Variants in SYT5 observed in about 807,000 individuals in gnomAD.
SYT5 encodes the protein synaptotagmin 5.
In SYT5, 29 loss-of-function variants were observed where a neutral mutation model predicts 36.0. The ratio of observed to expected loss-of-function variants is 0.81; its 90% CI spans 0.60 to 1.10. The LOEUF (loss-of-function observed/expected upper bound fraction) is 1.10. SYT5 is among the 50% of genes least tolerant of loss of function. The probability of loss-of-function intolerance (pLI) is 0.00; values close to 1 mark genes in which losing one functional copy is unlikely to be tolerated. For missense variants in SYT5, 512 were observed against 516.0 expected (o/e 0.99, Z 0.08); for synonymous variants, 231 against 227.6 (o/e 1.02, Z -0.14).
chr19:55,175,129 T>G lies in SYT5; in HGVS notation c.708+43A>C, dbSNP rs770863322. On this transcript the variant is annotated intron_variant, in intron 6 of 8. Coordinates refer to ENST00000354308, the MANE Select transcript of SYT5 (RefSeq NM_003180.3). This position sits in a 1 kb window ranked among gnomAD's most constrained non-coding sequence, Gnocchi z 4.5. ...TGGCTCAGGATGTTGTGGGCGGGACTGGGCCTGGGGGCGTGGCTCGGGGCG... is the reference window on the plus strand; with the variant it reads ...TGGCTCAGGATGTTGTGGGCGGGACGGGGCCTGGGGGCGTGGCTCGGGGCG... 3 of 1,578,214 alleles carry G rather than the reference T, an allele frequency of 1.9e-6. No individual in the cohort carries two copies. The highest frequency in any genetic ancestry group is 2.3e-5 in the East Asian group (1 of 43,612).
intron 3 of SYT5, chr19:55,177,603 CGCTCTGTCACCCAG>C (rs541970446): frequency 6.6e-6 from 1 of 152,336 alleles, no homozygotes; most frequent in African/African-American, 2.4e-5. Flanking sequence ...GACAGAGTCT[CGCTCTGTCACCCAG>C]GCTGGAGTGC....
At position 55,172,512 on chromosome 19, in the gene SYT5, G is replaced by T. The variant is rs1032502443; in HGVS notation, c.*972C>A. Reference sequence around the variant, plus strand: ...GGAAAGACAGAAAGAAAACAAAAAGGAAAAAAGAAAAGAAAAAAGAAAGAG... The same window carrying T: ...GGAAAGACAGAAAGAAAACAAAAAGTAAAAAAGAAAAGAAAAAAGAAAGAG... On this transcript the variant is annotated 3_prime_UTR_variant, in exon 9 of 9. Transcript: ENST00000354308. 1 of 151,964 alleles carries T rather than the reference G, an allele frequency of 6.6e-6. No homozygotes were observed. Among genetic ancestry groups the T allele is most frequent in the Non-Finnish European group, 1.5e-5 (1 of 67,976 alleles). 9.4% of individuals were successfully genotyped at this position (151,964 alleles called of 1,614,324 possible). A position where few individuals can be genotyped will look rare whatever the true frequency, so the allele number is the denominator to read the frequency against.
rs1381362363 is a variant in SYT5, at chr19:55,178,984, T to C, written c.58A>G (p.Ser20Gly). Reference protein sequence around the residue: ...PPSPDTPPDSSRISHGPVPPW... With the variant: ...PPSPDTPPDSGRISHGPVPPW... ...TCACCTGGGCCGTGGCTGATGCGAC[T>C]GGAGTCGGGAGGCGTGTCGGGCGAT... Residue 20 changes from serine to glycine, a missense_variant, in exon 2 of 9, where the codon AGT becomes GGT. Ser to Gly is a moderately conservative substitution (Grantham distance 56). Transcript: ENST00000354308. 1 of 1,576,878 alleles carries C rather than the reference T, an allele frequency of 6.3e-7. No homozygotes were observed.
Position 55,175,090 on chromosome 19 carries a change from G to C in SYT5, c.708+82C>G. The C allele has an allele frequency of 1.3e-6, 2 of 1,590,182 alleles. No homozygotes were observed. The highest frequency in any genetic ancestry group is 4.5e-5 in the East Asian group (2 of 44,460). On this transcript the variant is annotated intron_variant, in intron 6 of 8. Coordinates refer to ENST00000354308, the MANE Select transcript of SYT5 (RefSeq NM_003180.3). This position sits in a 1 kb window ranked among gnomAD's most constrained non-coding sequence, Gnocchi z 4.5. Reference sequence around the variant, plus strand: ...CCACGCCGCCCTGAGGGTCTGGAAAGCCTATGATCTGATTGGCTCAGGATG... The same window carrying C: ...CCACGCCGCCCTGAGGGTCTGGAAACCCTATGATCTGATTGGCTCAGGATG...
rs1399632677 is a variant in SYT5, at chr19:55,175,044, A to C, written c.709-45T>G. 2 of 1,605,886 alleles carry C rather than the reference A, an allele frequency of 1.2e-6. No homozygotes were observed. The highest frequency in any genetic ancestry group is 1.1e-5 in the South Asian group (1 of 90,986). On this transcript the variant is annotated intron_variant, in intron 6 of 8. Transcript: ENST00000354308. The surrounding 1 kb of genome is among the most constrained non-coding windows in gnomAD (Gnocchi z 4.5). ...TCACCAGAGCCCCGGCTCCACATCC[A>C]TGCCTCCTCAGGGGTACAATCCACG...
At position 55,174,528 on chromosome 19, in the gene SYT5, C is replaced by A. The variant is rs1234717430; in HGVS notation, c.949G>T (p.Asp317Tyr). ...NEAFSFEVPC[D>Y]QVQKVQVELT... ...AGGTTTGAGCTCACCTGGACTTGGT[C>A]ACAGGGCACCTCGAAGCTGAAAGCT... The change falls in exon 8 of 9, where the codon GAC (aspartate) becomes TAC (tyrosine). Residue 317 changes from aspartate to tyrosine, a missense_variant. Physicochemically the swap from Asp to Tyr is radical, Grantham distance 160. Coordinates refer to ENST00000354308, the MANE Select transcript of SYT5 (RefSeq NM_003180.3). 3 of 1,613,996 alleles carry A rather than the reference C, an allele frequency of 1.9e-6. No individual in the cohort carries two copies. The highest frequency in any genetic ancestry group is 2.2e-5 in the East Asian group (1 of 44,872).
rs2086061549 is a variant in SYT5 at position 55,175,230 on chromosome 19, A to G, written c.650T>C (p.Val217Ala). Residue 217 changes from valine (V) to alanine (A), a missense_variant, in exon 6 of 9, where the codon GTG becomes GCG. By Grantham distance (64) the Val-to-Ala change is moderately conservative. Coordinates refer to ENST00000354308, the MANE Select transcript of SYT5 (RefSeq NM_003180.3). This position sits in a 1 kb window ranked among gnomAD's most constrained non-coding sequence, Gnocchi z 4.5. The stretch of plus-strand genomic sequence containing the variant: ...GGCCTGCACTGGCCGCCCCAGGTCC[A>G]CGGAGCTCATAGGGACCCGCACCTC... ...IGEVRVPMSS[V>A]DLGRPVQAWR... 1.2e-6 allele frequency: 2 copies of G among 1,611,168 alleles called. No individual in the cohort carries two copies. Among genetic ancestry groups the G allele is most frequent in the Non-Finnish European group, 8.5e-7 (1 of 1,179,184 alleles).
chr19:55,175,388 G>A lies in SYT5; in HGVS notation c.541-49C>T. On this transcript the variant is annotated intron_variant, in intron 5 of 8. Coordinates refer to ENST00000354308, the MANE Select transcript of SYT5 (RefSeq NM_003180.3). The surrounding 1 kb of genome is among the most constrained non-coding windows in gnomAD (Gnocchi z 4.5). ...GTAGAGAGCAGGAAGTCAGAGATAG[G>A]GTGAGGCACAGCACAACCAGAAGGA... 1 of 1,488,492 alleles carries A rather than the reference G, an allele frequency of 6.7e-7. No individual in the cohort carries two copies. The highest frequency in any genetic ancestry group is 8.9e-7 in the Non-Finnish European group (1 of 1,124,256). 92.2% of individuals were successfully genotyped at this position (1,488,492 alleles called of 1,614,324 possible).
rs1202457902 is a variant in SYT5, at chr19:55,172,585, G to C, written c.*899C>G. On this transcript the variant is annotated 3_prime_UTR_variant, in exon 9 of 9. Coordinates refer to ENST00000354308, the MANE Select transcript of SYT5 (RefSeq NM_003180.3). ...TCCTTGCTGAACTCCAACCTCTCTC[G>C]CAGGCTCTGGAGATTGTATTCCCTG... 6.6e-6 allele frequency: 1 copy of C among 152,158 alleles called. No homozygotes were observed. The highest frequency in any genetic ancestry group is 1.9e-4 in the East Asian group (1 of 5,198). The allele number at this position is 152,158 out of a possible 1,614,324, so 9.4% of individuals were successfully genotyped here.
intron 2 of SYT5, 27 bp from the exon 3 acceptor site, chr19:55,178,395 T>G: frequency 6.2e-7 from 1 of 1,602,212 alleles, no homozygotes; most frequent in South Asian, 1.1e-5. Flanking sequence ...ACAACACACA[T>G]TGAGGCCTGG....
intron 8 of SYT5, chr19:55,174,113 T>TC (rs1249251538): frequency 5.0e-5 from 10 of 198,564 alleles, no homozygotes; most frequent in African/African-American, 2.1e-4. Flanking sequence ...GGGTGGGGAA[T>TC]CTGGTCCCGC....
At position 55,171,965 on chromosome 19, in the gene SYT5, G is replaced by C. The variant is rs1214227295; in HGVS notation, c.*1519C>G. 1 of 151,968 alleles carries C rather than the reference G, an allele frequency of 6.6e-6. No homozygotes were observed. The highest frequency in any genetic ancestry group is 1.5e-5 in the Non-Finnish European group (1 of 68,048). The allele number at this position is 151,968 out of a possible 1,614,324, so 9.4% of individuals were successfully genotyped here. A position where few individuals can be genotyped will look rare whatever the true frequency, so the allele number is the denominator to read the frequency against. On this transcript the variant is annotated 3_prime_UTR_variant, in exon 9 of 9. Transcript: ENST00000354308. ...ACACAGAGAAACCCTGTCAAAAAAA[G>C]AAGAAAGAAGAGGCTGAGGCAGAAG...
At position 55,173,950 on chromosome 19, in the gene SYT5, C is replaced by A. The variant is rs1248482861; in HGVS notation, c.961-266G>T. The A allele has an allele frequency of 1.5e-5, 6 of 390,000 alleles. No individual in the cohort carries two copies. The highest frequency in any genetic ancestry group is 2.3e-5 in the Non-Finnish European group (5 of 221,876). The allele number at this position is 390,000 out of a possible 1,614,324, so 24.2% of individuals were successfully genotyped here. A position where few individuals can be genotyped will look rare whatever the true frequency, so the allele number is the denominator to read the frequency against. ...GGTTGCGGAGCGGGTGTGTTCGGCG[C>A]CTCCTGGGGGAGCAGCCTCCTAAGA... On this transcript the variant is annotated intron_variant, in intron 8 of 8. Transcript: ENST00000354308. The surrounding 1 kb of genome is among the most constrained non-coding windows in gnomAD (Gnocchi z 5.4).
In SYT5 at chr19:55,178,949, C is replaced by A; in HGVS notation, c.79+14G>T. 2 of 1,496,416 alleles carry A rather than the reference C, an allele frequency of 1.3e-6. No individual in the cohort carries two copies. Among genetic ancestry groups the A allele is most frequent in the East Asian group, 2.5e-5 (1 of 40,310 alleles). 92.7% of individuals were successfully genotyped at this position (1,496,416 alleles called of 1,614,324 possible). The stretch of plus-strand genomic sequence containing the variant: ...TTCTCTCTGCTCGGCCCCCCACCCC[C>A]GGGTCTTGCTCACCTGGGCCGTGGC... On this transcript the variant is annotated intron_variant, in intron 2 of 8. Transcript: ENST00000354308.
Position 55,176,079 on chromosome 19 carries a change from C to G in SYT5, c.298G>C (p.Gly100Arg). 1 of 1,614,206 alleles carries G rather than the reference C, an allele frequency of 6.2e-7. No individual in the cohort carries two copies. Among genetic ancestry groups the G allele is most frequent in the Non-Finnish European group, 8.5e-7 (1 of 1,180,044 alleles). Residue 100 changes from glycine (G) to arginine (R), a missense_variant, in exon 4 of 9, where the codon GGG becomes CGG. Physicochemically the swap from Gly to Arg is moderately radical, Grantham distance 125. Transcript: ENST00000354308. ...EELEPAPSGP[G>R]QQVADKHELG... ...TCATGCTTGTCTGCCACCTGCTGCC[C>G]TGGCCCGGATGGTGCTGGCTCCAGC...
chr19:55,172,474 AAAAG>A lies in SYT5; in HGVS notation c.*1006_*1009del, dbSNP rs886811843. On this transcript the variant is annotated 3_prime_UTR_variant, in exon 9 of 9. Coordinates refer to ENST00000354308, the MANE Select transcript of SYT5 (RefSeq NM_003180.3). ...AAACAAACAAAAAAAAAACAAGAGAAAAAGAAAGAAAAGGAAAGACAGAAAGAAA... is the reference window on the plus strand; with the variant it reads ...AAACAAACAAAAAAAAAACAAGAGAAAAAGAAAAGGAAAGACAGAAAGAAA... 5.3e-4 allele frequency: 80 copies of A among 152,228 alleles called. No homozygotes were observed. Among genetic ancestry groups the A allele is most frequent in the African/African-American group, 1.8e-3 (74 of 41,574 alleles). 9.4% of individuals were successfully genotyped at this position (152,228 alleles called of 1,614,324 possible). A position where few individuals can be genotyped will look rare whatever the true frequency, so the allele number is the denominator to read the frequency against.
In SYT5 at chr19:55,173,243, C is replaced by A. The variant is rs571562022; in HGVS notation, c.*241G>T. 45 of 405,102 alleles carry A rather than the reference C, an allele frequency of 1.1e-4. No homozygotes were observed. In the South Asian group the frequency reaches 2.1e-3, roughly 19 times the overall value. 25.1% of individuals were successfully genotyped at this position (405,102 alleles called of 1,614,324 possible). A position where few individuals can be genotyped will look rare whatever the true frequency, so the allele number is the denominator to read the frequency against. ...GGAGAAACCAGGCTGCCTTCCCTTC[C>A]CGGGGTCCCTGGGGCATCTGGGTGT... is the stretch of plus-strand genomic sequence containing the variant. On this transcript the variant is annotated 3_prime_UTR_variant, in exon 9 of 9. Transcript: ENST00000354308. The surrounding 1 kb of genome is among the most constrained non-coding windows in gnomAD (Gnocchi z 5.4).
chr19:55,178,104 G>A (rs540306200), intron 3 of SYT5, 92 bp downstream of exon 3: 2 of 1,442,446 alleles, frequency 1.4e-6, no homozygotes, highest in Admixed American at 2.3e-5. Flanking sequence ...GTTCCTATAG[G>A]ACAGAAGGGA....
In SYT5 at chr19:55,178,947, C is replaced by T; in HGVS notation, c.79+16G>A. On this transcript the variant is annotated intron_variant, in intron 2 of 8. Transcript: ENST00000354308. ...CTTTCTCTCTGCTCGGCCCCCCACCCCCGGGTCTTGCTCACCTGGGCCGTG... is the reference window on the plus strand; with the variant it reads ...CTTTCTCTCTGCTCGGCCCCCCACCTCCGGGTCTTGCTCACCTGGGCCGTG... 1 of 1,494,512 alleles carries T rather than the reference C, an allele frequency of 6.7e-7. No individual in the cohort carries two copies. Among genetic ancestry groups the T allele is most frequent in the Non-Finnish European group, 8.9e-7 (1 of 1,122,896 alleles). The allele number at this position is 1,494,512 out of a possible 1,614,324, so 92.6% of individuals were successfully genotyped here.
Sources: allele counts gnomAD v4.1 joint callset, GRCh38; gene constraint gnomAD v4.1.1; non-coding constraint Gnocchi (gnomAD v3.1); transcripts MANE v1.5; gene names NCBI Gene and HGNC (gene_info 2026-07-23, HGNC 2026-07-21).